APBB2: variants seen among roughly 807,000 people sequenced by gnomAD.
APBB2 encodes the protein amyloid beta precursor protein binding family B member 2, also known as Fe65-like 1.
A neutral mutation model predicts 82.5 loss-of-function variants in APBB2; 38 were observed. The ratio of observed to expected loss-of-function variants is 0.46; its 90% confidence interval spans 0.36 to 0.60. The LOEUF is 0.60. Among genes scored for constraint, APBB2 ranks in the 20% least tolerant of loss-of-function variants. APBB2 has a pLI of 0.00. For synonymous variants in APBB2, 341 were observed against 368.2 expected (o/e 0.93, Z 0.85); for missense variants, 772 against 972.3 (o/e 0.79, Z 2.74).
intron 12 of APBB2, chr4:40,879,925 C>T (rs1767964508): frequency 1.3e-6 from 1 of 787,304 alleles, no homozygotes. Flanking sequence ...CTCCTAACCT[C>T]AGGTGATCTG....
rs142086338 is a variant in APBB2 at position 40,925,816 on chromosome 4, C to A, written c.1254+8640G>T. Among the ~76,000 whole-genome samples the A allele has an allele frequency of 7.6e-3, 1,162 of 152,276 alleles. 6 individuals are homozygous for A. The highest frequency in any genetic ancestry group is 0.012 in the Non-Finnish European group (816 of 68,012). ...TAGTCAGTAGCTGCTAATATAATTA[C>A]TTCATGAAAATCTATGCTAATAGGA... On this transcript the variant is annotated intron_variant, in intron 10 of 17. Coordinates refer to ENST00000508593, the MANE Select transcript of APBB2 (RefSeq NM_004307.2).
In APBB2 at chr4:41,049,261, G is replaced by A. The variant is rs542012437; in HGVS notation, c.-50-15957C>T. ...CGACCCCGTCTGGGAGGTGAGGAGCGTCTCTGCCCGGCCGCCCCGTCGGAG... is the reference window on the plus strand; with the variant it reads ...CGACCCCGTCTGGGAGGTGAGGAGCATCTCTGCCCGGCCGCCCCGTCGGAG... On this transcript the variant is annotated intron_variant, in intron 4 of 17. Coordinates refer to ENST00000508593, the MANE Select transcript of APBB2 (RefSeq NM_004307.2). Among the ~76,000 whole-genome samples, 1,145 of 148,754 alleles carry A rather than the reference G, an allele frequency of 7.7e-3. 13 individuals are homozygous for A. Among genetic ancestry groups the A allele is most frequent in the Non-Finnish European group, 0.013 (876 of 67,116 alleles).
At chr4:40,874,504 A>G (rs115865028) in intron 12 of APBB2, among the ~76,000 whole-genome samples, 6,011 of 150,268 alleles carry the variant, frequency 0.04, 314 homozygotes, top group African/African-American at 0.12. Flanking sequence ...AAGGCACAGG[A>G]GGCGGGGGCA....
At chr4:41,017,116 C>T (rs1810202328) in intron 5 of APBB2, among the ~76,000 whole-genome samples, 1 of 152,100 alleles carries the variant, frequency 6.6e-6, no homozygotes, top group Admixed American at 6.5e-5. Flanking sequence ...AGGTTGGTCT[C>T]AAATTCCTGG....
intron 6 of APBB2, among the ~76,000 whole-genome samples, chr4:40,995,425 G>C (rs1023797754): frequency 9.9e-5 from 15 of 152,004 alleles, no homozygotes; most frequent in African/African-American, 2.9e-4. Flanking sequence ...GCTCAGGCTG[G>C]AGTGTAGTGG....
intron 2 of APBB2, among the ~76,000 whole-genome samples, chr4:41,142,605 T>C (rs184530326): frequency 3.9e-5 from 6 of 152,290 alleles, no homozygotes; most frequent in Non-Finnish European, 8.8e-5. Flanking sequence ...TCTTTGAAAC[T>C]ACAAATCCAA....
At chr4:40,960,057 A>C (rs1792662719) in intron 6 of APBB2, among the ~76,000 whole-genome samples, 1 of 152,218 alleles carries the variant, frequency 6.6e-6, no homozygotes, top group Non-Finnish European at 1.5e-5. Context: ...GCCCTTAAAA[A>C]AATCAGTAGA....
intron 2 of APBB2, among the ~76,000 whole-genome samples, chr4:41,111,192 T>C (rs546265836): frequency 1.3e-3 from 201 of 152,332 alleles, no homozygotes; most frequent in African/African-American, 4.7e-3. Flanking sequence ...GCTGGAAATA[T>C]AGATTAAGCT....
chr4:41,123,128 G>T (rs1268102542), intron 2 of APBB2, among the ~76,000 whole-genome samples: 1 of 151,746 alleles, frequency 6.6e-6, no homozygotes, highest in Admixed American at 6.6e-5. Flanking sequence ...CTCCCCCTTT[G>T]TCTTTTCTTC....
chr4:40,923,618 C>T (rs924931910), intron 10 of APBB2, among the ~76,000 whole-genome samples: 1 of 152,266 alleles, frequency 6.6e-6, no homozygotes, highest in Admixed American at 6.5e-5. Context: ...ATGGCGGCTG[C>T]TGCCACCGCG....
rs1287107561 is a variant in APBB2, at chr4:40,813,034, C to G, written c.*3058G>C. 6.6e-6 allele frequency: 1 copy of G among 152,168 alleles called. No homozygotes were observed. The allele number at this position is 152,168 out of a possible 1,614,324, so 9.4% of individuals were successfully genotyped here. On this transcript the variant is annotated 3_prime_UTR_variant, in exon 18 of 18. Transcript: ENST00000508593. ...CATAGGCATGTTGGCTAGTCGTTCC[C>G]CTTGATGTTGCCAAGGAGCAGATGT...
At chr4:40,977,048 A>C (rs574219122) in intron 6 of APBB2, among the ~76,000 whole-genome samples, 3 of 152,194 alleles carry the variant, frequency 2.0e-5, no homozygotes, top group Admixed American at 2.0e-4. Flanking sequence ...TGTCTCAAAA[A>C]AAAATAGATT....
At chr4:40,894,520 C>T (rs993262617) in intron 10 of APBB2, among the ~76,000 whole-genome samples, 37 of 152,234 alleles carry the variant, frequency 2.4e-4, no homozygotes, top group African/African-American at 8.2e-4. Flanking sequence ...CTCTAATACC[C>T]AGAAAGGCAG....
At chr4:41,096,759 C>T (rs1367862432) in intron 3 of APBB2, among the ~76,000 whole-genome samples, 1 of 152,162 alleles carries the variant, frequency 6.6e-6, no homozygotes, top group Non-Finnish European at 1.5e-5. Context: ...ATATCATTAT[C>T]GAATTGTAGT....
intron 1 of APBB2, among the ~76,000 whole-genome samples, chr4:41,191,247 C>G (rs891283178): frequency 6.6e-6 from 1 of 152,190 alleles, no homozygotes. Context: ...AACCAATAAA[C>G]AGCCTTCTCT....
chr4:41,205,563 G>A (rs116172087), intron 1 of APBB2, among the ~76,000 whole-genome samples: 1 of 152,150 alleles, frequency 6.6e-6, no homozygotes, highest in African/African-American at 2.4e-5. Flanking sequence ...TAAAGCCAAC[G>A]GACAAAAAGG....
chr4:41,016,500 A>G (rs1036854059), intron 5 of APBB2, among the ~76,000 whole-genome samples: 1 of 152,078 alleles, frequency 6.6e-6, no homozygotes, highest in Non-Finnish European at 1.5e-5. Flanking sequence ...TGTCTCTACT[A>G]AAAATACAAA....
At chr4:41,114,348 A>G (rs901496849) in intron 2 of APBB2, among the ~76,000 whole-genome samples, 5 of 152,216 alleles carry the variant, frequency 3.3e-5, no homozygotes, top group African/African-American at 9.6e-5. Context: ...ATTTATGACA[A>G]ACCCACAGCC....
Position 41,014,388 on chromosome 4 carries a change from A to G in APBB2, c.30T>C (p.Gly10=), listed in dbSNP as rs1579250389. The change falls in exon 6 of 18, where the codon GGT becomes GGC. Residue 10 remains glycine, a synonymous_variant. Transcript: ENST00000508593. ...CCATAAACACTGCCAAGGTGTCAAC[A>G]CCTGAGTCAGCTGGGGAAAAAAAAA... is the stretch of plus-strand genomic sequence containing the variant. MSEVLPADS[G]VDTLAVFMAS... 8 of 1,613,676 alleles carry G rather than the reference A, an allele frequency of 5.0e-6. No individual in the cohort carries two copies. The highest frequency in any genetic ancestry group is 6.8e-6 in the Non-Finnish European group (8 of 1,179,904).
Sources: gnomAD v4.1 joint callset for allele counts (sites outside exome capture counted in the v4.1 genomes callset) on GRCh38, gnomAD v4.1.1 for gene constraint, MANE v1.5 for transcripts, NCBI Gene and HGNC (gene_info 2026-07-23, HGNC 2026-07-21) for gene names.